Variants in ATF7IP observed in about 807,000 individuals in gnomAD.
ATF7IP encodes the protein activating transcription factor 7 interacting protein.
A neutral mutation model predicts 106.4 loss-of-function variants in ATF7IP; 23 were observed. The ratio of observed to expected loss-of-function variants is 0.22; its 90% CI spans 0.16 to 0.31. The LOEUF (loss-of-function observed/expected upper bound fraction) is 0.31, where lower values mean the gene tolerates loss of function less well. ATF7IP is among the 10% of genes least tolerant of loss of function. ATF7IP has a pLI of 1.00. For synonymous variants in ATF7IP, 542 were observed against 539.0 expected (o/e 1.01, Z -0.08); for missense variants, 1,334 against 1,524.3 (o/e 0.88, Z 2.08).
chr12:14,403,211 T>C (rs151068267), intron 1 of ATF7IP, among the ~76,000 whole-genome samples: 25 of 152,340 alleles, frequency 1.6e-4, no homozygotes, highest in African/African-American at 5.8e-4. Flanking sequence ...ATTTAGTGTC[T>C]TTTCAATTTC....
chr12:14,431,255 G>A (rs1942107043), intron 2 of ATF7IP, among the ~76,000 whole-genome samples: 1 of 151,948 alleles, frequency 6.6e-6, no homozygotes. Flanking sequence ...TGAGCTTACT[G>A]TCTAGTCTGC....
rs1565563143 is a variant in ATF7IP, at chr12:14,498,112, A to T, written c.*39A>T. The T allele has an allele frequency of 1.3e-6, 2 of 1,514,546 alleles. No homozygotes were observed. The highest frequency in any genetic ancestry group is 1.8e-6 in the Non-Finnish European group (2 of 1,130,566). 93.8% of individuals were successfully genotyped at this position (1,514,546 alleles called of 1,614,324 possible). ...TATATTTTCCTCTTTTAAAATTTCCACCTTTTGGTCTTGTTTTTAATCTTG... is the reference window on the plus strand; with the variant it reads ...TATATTTTCCTCTTTTAAAATTTCCTCCTTTTGGTCTTGTTTTTAATCTTG... On this transcript the variant is annotated 3_prime_UTR_variant, in exon 15 of 15. Coordinates refer to ENST00000261168, the MANE Select transcript of ATF7IP (RefSeq NM_018179.5).
intron 1 of ATF7IP, among the ~76,000 whole-genome samples, chr12:14,374,033 A>AC (rs1555107087): frequency 6.7e-6 from 1 of 149,934 alleles, no homozygotes; most frequent in Non-Finnish European, 1.5e-5. Context: ...TTTTATCCAG[A>AC]TTTTTTTTTC....
intron 2 of ATF7IP, among the ~76,000 whole-genome samples, chr12:14,430,890 G>A (rs992724241): frequency 6.6e-6 from 1 of 152,206 alleles, no homozygotes; most frequent in African/African-American, 2.4e-5. Context: ...CTGCAACAAG[G>A]ACAGAATTAA....
Position 14,424,028 on chromosome 12 carries a change from A to C in ATF7IP, c.113A>C (p.Lys38Thr). 6.2e-7 allele frequency: 1 copy of C among 1,614,230 alleles called. No individual in the cohort carries two copies. The highest frequency in any genetic ancestry group is 1.3e-5 in the African/African-American group (1 of 75,066). Residue 38 changes from lysine (K) to threonine (T), a missense_variant, in exon 2 of 15, where the codon AAA (lysine) becomes ACA (threonine). By Grantham distance (78) the Lys-to-Thr change is moderately conservative (BLOSUM62 -1). Around this residue, in one of 10 missense-constraint regions of ATF7IP, gnomAD observed 74 missense variants for 101.9 expected, o/e 0.73. Transcript: ENST00000261168. The part of the protein sequence containing the change: ...AVYKVKEELL[K>T]TDVKLLNGNH... Reference sequence around the variant, plus strand: ...TACAAGGTCAAAGAAGAACTGTTGAAAACTGATGTCAAGCTGTTAAATGGC... The same window carrying C: ...TACAAGGTCAAAGAAGAACTGTTGACAACTGATGTCAAGCTGTTAAATGGC...
At chr12:14,429,623 A>G (rs1942026919) in intron 2 of ATF7IP, among the ~76,000 whole-genome samples, 3 of 152,248 alleles carry the variant, frequency 2.0e-5, no homozygotes, top group South Asian at 4.1e-4. Context: ...ACATTAGACT[A>G]GAATTTGAGA....
chr12:14,473,512 A>T (rs139424009), intron 10 of ATF7IP, among the ~76,000 whole-genome samples: 126 of 152,170 alleles, frequency 8.3e-4, no homozygotes, highest in African/African-American at 2.9e-3. Flanking sequence ...CATGTTGTAG[A>T]TCTCTAAATA....
In ATF7IP at chr12:14,427,520, C is replaced by T. The variant is rs559416463; in HGVS notation, c.1558+2047C>T. On this transcript the variant is annotated intron_variant, in intron 2 of 14. Transcript: ENST00000261168. ...AGCTGGGATTATAGGTGCGCGACAC[C>T]ACGCCTGGCTAATTTTTGTATTTTT... is the stretch of plus-strand genomic sequence containing the variant. Among the ~76,000 whole-genome samples, 49 of 152,244 alleles carry T rather than the reference C, an allele frequency of 3.2e-4. 1 individual carries two copies. The highest frequency in any genetic ancestry group is 1.1e-3 in the African/African-American group (44 of 41,548).
intron 1 of ATF7IP, among the ~76,000 whole-genome samples, chr12:14,401,121 A>G (rs963631276): frequency 2.6e-5 from 4 of 152,064 alleles, no homozygotes; most frequent in Non-Finnish European, 5.9e-5. Flanking sequence ...TGTCTTTGCT[A>G]TTATGCTTAA....
intron 1 of ATF7IP, among the ~76,000 whole-genome samples, chr12:14,371,140 A>G (rs1938518931): frequency 6.6e-6 from 1 of 152,042 alleles, no homozygotes; most frequent in Admixed American, 6.5e-5. Flanking sequence ...ATAAGGATGT[A>G]TTTCAGCTGT....
intron 9 of ATF7IP, among the ~76,000 whole-genome samples, chr12:14,464,761 A>G (rs1270923962): frequency 2.0e-5 from 3 of 152,242 alleles, no homozygotes; most frequent in Non-Finnish European, 2.9e-5. Flanking sequence ...AATAAGGAAT[A>G]TCATTACAGT....
intron 1 of ATF7IP, among the ~76,000 whole-genome samples, chr12:14,381,581 T>C (rs1939003656): frequency 1.3e-5 from 2 of 152,158 alleles, no homozygotes; most frequent in South Asian, 2.1e-4. Flanking sequence ...TTACCTCTTA[T>C]TTCTCTCTGT....
intron 10 of ATF7IP, among the ~76,000 whole-genome samples, chr12:14,472,265 A>C (rs1219540139): frequency 6.6e-6 from 1 of 152,182 alleles, no homozygotes; most frequent in African/African-American, 2.4e-5. Context: ...GATGAGACAA[A>C]AGTTGCCATC....
intron 10 of ATF7IP, among the ~76,000 whole-genome samples, chr12:14,469,775 G>A (rs1943971181): frequency 6.6e-6 from 1 of 152,118 alleles, no homozygotes; most frequent in South Asian, 2.1e-4. Flanking sequence ...AAGAGCAACA[G>A]GGAAAAAAAT....
At chr12:14,368,532 G>C (rs1001447026) in intron 1 of ATF7IP, among the ~76,000 whole-genome samples, 1 of 151,998 alleles carries the variant, frequency 6.6e-6, no homozygotes, top group African/African-American at 2.4e-5. Context: ...TACAGTGAAC[G>C]TTCTTGTACT....
chr12:14,489,589 A>G (rs1233029372), intron 13 of ATF7IP, among the ~76,000 whole-genome samples: 1 of 152,114 alleles, frequency 6.6e-6, no homozygotes, highest in Non-Finnish European at 1.5e-5. Context: ...AGCACCATAT[A>G]TTGGACGCTG....
At chr12:14,396,695 A>T (rs141202865) in intron 1 of ATF7IP, among the ~76,000 whole-genome samples, 1 of 152,230 alleles carries the variant, frequency 6.6e-6, no homozygotes, top group African/African-American at 2.4e-5. Context: ...CTGGGCTGGG[A>T]AGATAGTTGA....
intron 1 of ATF7IP, among the ~76,000 whole-genome samples, chr12:14,398,567 T>A (rs1400791467): frequency 6.6e-6 from 1 of 151,510 alleles, no homozygotes; most frequent in African/African-American, 2.4e-5. Context: ...GTGAAAAAAA[T>A]TATATTTTGG....
At chr12:14,405,879 G>C (rs1940551860) in intron 1 of ATF7IP, among the ~76,000 whole-genome samples, 1 of 152,134 alleles carries the variant, frequency 6.6e-6, no homozygotes, top group African/African-American at 2.4e-5. Flanking sequence ...TGGTTATTCA[G>C]TTTCCCTCAA....
Sources: gnomAD v4.1 joint callset for allele counts (sites outside exome capture counted in the v4.1 genomes callset) on GRCh38, gnomAD v4.1.1 for gene constraint, gnomAD v4.1.1 regional missense constraint, MANE v1.5 for transcripts, NCBI Gene and HGNC (gene_info 2026-07-23, HGNC 2026-07-21) for gene names.